Variants in PHEX observed in about 807,000 individuals in gnomAD.
The protein encoded by PHEX is phosphate regulating endopeptidase X-linked, also known as phosphate-regulating neutral endopeptidase PHEX.
A neutral mutation model predicts 68.0 loss-of-function variants in PHEX; 16 were observed. The observed-to-expected ratio is 0.24, with a 90% CI of 0.16 to 0.36. The LOEUF (loss-of-function observed/expected upper bound fraction) is 0.36, where lower values mean the gene tolerates loss of function less well. Among genes scored for constraint, PHEX ranks in the 10% least tolerant of loss-of-function variants. The probability of loss-of-function intolerance (pLI) is 1.00; values close to 1 mark genes in which losing one functional copy is unlikely to be tolerated. For synonymous variants in PHEX, 208 were observed against 205.1 expected (o/e 1.01, Z -0.12); for missense variants, 480 against 575.5 (o/e 0.83, Z 1.70).
chrX:22,048,535 A>C (rs1440213243), intron 3 of PHEX, among the ~76,000 whole-genome samples: 1 of 111,933 alleles, frequency 8.9e-6, no homozygotes, highest in Non-Finnish European at 1.9e-5. Flanking sequence ...ACTGAAAGAT[A>C]AGAAAACTAC....
chrX:22,232,680 ATG>A (rs1388580571), intron 20 of PHEX, among the ~76,000 whole-genome samples: 3 of 79,849 alleles, frequency 3.8e-5, no homozygotes, highest in African/African-American at 1.5e-4. Context: ...TTTTGAGCCT[ATG>A]TGTGTCTTTC....
chrX:22,228,146 G>GA (rs1935573507), intron 20 of PHEX, among the ~76,000 whole-genome samples: 1 of 112,094 alleles, frequency 8.9e-6, no homozygotes, highest in Non-Finnish European at 1.9e-5. Context: ...TCTTGGAGCA[G>GA]AAATTGAAAG....
At chrX:22,097,659 A>G in intron 8 of PHEX, 7 of 511,490 alleles carry the variant, frequency 1.4e-5, no homozygotes, top group Non-Finnish European at 1.7e-5. Context: ...CAGGCAAGGA[A>G]GAAAAGGTTG....
At chrX:22,237,319 C>A (rs971191576) in intron 20 of PHEX, among the ~76,000 whole-genome samples, 1 of 112,081 alleles carries the variant, frequency 8.9e-6, no homozygotes, top group African/African-American at 3.2e-5. Context: ...AAAACATCAT[C>A]TTCAAAGTCA....
rs1936519837 is a variant in PHEX at position 22,249,766 on chromosome X, T to C, written c.*1813T>C. 1.8e-5 allele frequency: 2 copies of C among 109,934 alleles called. No homozygotes were observed. The highest frequency in any genetic ancestry group is 7.7e-4 in the South Asian group (2 of 2,589). The allele number at this position is 109,934 out of a possible 1,213,427, so 9.1% of individuals were successfully genotyped here. On this transcript the variant is annotated 3_prime_UTR_variant, in exon 22 of 22. Transcript: ENST00000379374. Reference sequence around the variant, plus strand: ...TGTCTTTTCTCTGGAGGAAGCATTCTGACTTGGTTTAGACATATAAGATAC... The same window carrying C: ...TGTCTTTTCTCTGGAGGAAGCATTCCGACTTGGTTTAGACATATAAGATAC...
At chrX:22,144,493 T>C (rs1171047808) in intron 12 of PHEX, among the ~76,000 whole-genome samples, 1 of 111,466 alleles carries the variant, frequency 9.0e-6, no homozygotes, top group Non-Finnish European at 1.9e-5. Flanking sequence ...GCTGATTTCA[T>C]CTACTCCCCT....
chrX:22,240,501 TGCAGAGACAC>T (rs2147206117), intron 20 of PHEX, among the ~76,000 whole-genome samples: 1 of 111,060 alleles, frequency 9.0e-6, no homozygotes, highest in East Asian at 2.8e-4. Flanking sequence ...CCATCTCACT[TGCAGAGACAC>T]ACATAGACTC....
chrX:22,241,735 TC>T (rs781483669), intron 20 of PHEX, among the ~76,000 whole-genome samples: 1 of 111,833 alleles, frequency 8.9e-6, no homozygotes, highest in African/African-American at 3.2e-5. Flanking sequence ...AGAAGTTGAA[TC>T]CCTGAATAGA....
chrX:22,231,616 T>C (rs1260547576), intron 20 of PHEX, among the ~76,000 whole-genome samples: 5 of 111,921 alleles, frequency 4.5e-5, no homozygotes, highest in Non-Finnish European at 9.4e-5. Flanking sequence ...TTCTTGGTGA[T>C]ATCCCCTTTA....
chrX:22,246,923 A>T (rs759195619), intron 21 of PHEX, among the ~76,000 whole-genome samples: 1 of 111,595 alleles, frequency 9.0e-6, no homozygotes, highest in Non-Finnish European at 1.9e-5. Flanking sequence ...GAAGGGGGGA[A>T]GTTTTTTGTG....
chrX:22,123,862 C>A (rs1357410803), intron 11 of PHEX, among the ~76,000 whole-genome samples: 1 of 103,540 alleles, frequency 9.7e-6, no homozygotes, highest in Non-Finnish European at 2.0e-5. Context: ...GACCAAGTCT[C>A]GCCCTGTTGC....
At chrX:22,137,996 C>T (rs2147091290) in intron 12 of PHEX, among the ~76,000 whole-genome samples, 1 of 112,511 alleles carries the variant, frequency 8.9e-6, no homozygotes, top group East Asian at 2.8e-4. Context: ...AGTGCGTGTT[C>T]CACATGGGCT....
rs140343433 is a variant in PHEX at position 22,224,309 on chromosome X, G to A, written c.1900-2134G>A. Among the ~76,000 whole-genome samples the A allele has an allele frequency of 4.7e-3, 523 of 111,756 alleles. 4 individuals carry two copies. Among genetic ancestry groups the A allele is most frequent in the African/African-American group, 0.016 (477 of 30,744 alleles). The stretch of plus-strand genomic sequence containing the variant: ...AGGTCAGTGATTTATTCAGAAAGTC[G>A]TTTCAGGAAAAACCTATAATGGAAT... On this transcript the variant is annotated intron_variant, in intron 18 of 21. Coordinates refer to ENST00000379374, the MANE Select transcript of PHEX (RefSeq NM_000444.6).
chrX:22,061,821 G>C (rs767041225), intron 3 of PHEX, among the ~76,000 whole-genome samples: 1 of 111,627 alleles, frequency 9.0e-6, no homozygotes, highest in South Asian at 3.8e-4. Context: ...GCAAACTGTG[G>C]CTTAGAGAGG....
rs181384792 is a variant in PHEX, at chrX:22,135,840, C to T, written c.1404+2216C>T. On this transcript the variant is annotated intron_variant, in intron 12 of 21. Coordinates refer to ENST00000379374, the MANE Select transcript of PHEX (RefSeq NM_000444.6). The stretch of plus-strand genomic sequence containing the variant: ...TCTGCTTTCTTTGAGCTGAGTTCAA[C>T]CTGCCAGGAACTCTGCTAGTTCCAC... 4.5e-5 allele frequency among the ~76,000 whole-genome samples: 5 copies of T among 111,913 alleles called. No individual in the cohort carries two copies. In the Admixed American group the frequency reaches 4.8e-4, roughly 11 times the overall value.
intron 12 of PHEX, among the ~76,000 whole-genome samples, chrX:22,147,567 C>T (rs760204167): frequency 1.8e-5 from 2 of 109,782 alleles, no homozygotes; most frequent in African/African-American, 6.6e-5. Context: ...TTTTGAGACC[C>T]TAGCATAGCT....
In PHEX at chrX:22,223,661, A is replaced by ATTGT. The variant is rs201296469; in HGVS notation, c.1899+1920_1899+1923dup. Among the ~76,000 whole-genome samples, 367 of 87,694 alleles carry ATTGT rather than the reference A, an allele frequency of 4.2e-3. 2 individuals carry two copies. The highest frequency in any genetic ancestry group is 7.6e-3 in the Non-Finnish European group (307 of 40,254). 76.2% of individuals were successfully genotyped at this position (87,694 alleles called of 115,157 possible). A position where few individuals can be genotyped will look rare whatever the true frequency, so the allele number is the denominator to read the frequency against. On this transcript the variant is annotated intron_variant, in intron 18 of 21. Coordinates refer to ENST00000379374, the MANE Select transcript of PHEX (RefSeq NM_000444.6). Reference sequence around the variant, plus strand: ...CTACTCAGGAGGCTGAGGTGGAAGAATTGTTGGAACCCTATAGTGAGATAT... The same window carrying ATTGT: ...CTACTCAGGAGGCTGAGGTGGAAGAATTGTTTGTTGGAACCCTATAGTGAGATAT...
At position 22,143,141 on chromosome X, in the gene PHEX, A is replaced by G. The variant is rs180747469; in HGVS notation, c.1404+9517A>G. On this transcript the variant is annotated intron_variant, in intron 12 of 21. Transcript: ENST00000379374. ...TAAACATTTTTTTTAATTGAGGTAA[A>G]ATTCACCTAACATAAAACTAACCAT... Among the ~76,000 whole-genome samples the G allele has an allele frequency of 5.4e-5, 6 of 112,061 alleles. No homozygotes were observed. In the East Asian group the frequency reaches 1.7e-3, roughly 31 times the overall value.
At chrX:22,073,421 C>A (rs923152101) in intron 3 of PHEX, among the ~76,000 whole-genome samples, 2 of 111,558 alleles carry the variant, frequency 1.8e-5, no homozygotes, top group Non-Finnish European at 3.8e-5. Flanking sequence ...GCTCGAATTC[C>A]AGCTAGCAAG....
Sources: allele counts gnomAD v4.1 joint callset (sites outside exome capture counted in the v4.1 genomes callset), GRCh38; gene constraint gnomAD v4.1.1; transcripts MANE v1.5; gene names NCBI Gene and HGNC (gene_info 2026-07-23, HGNC 2026-07-21).